Variants in WDR70 observed in about 807,000 individuals in gnomAD.
WDR70 encodes the protein WD repeat-containing protein 70.
A neutral mutation model predicts 88.6 loss-of-function variants in WDR70; 53 were observed. That is an observed-to-expected ratio of 0.60 (90% CI 0.48 to 0.75). The LOEUF (loss-of-function observed/expected upper bound fraction) is 0.75, where lower values mean the gene tolerates loss of function less well. Among genes scored for constraint, WDR70 ranks in the 30% least tolerant of loss-of-function variants. The pLI is 0.00. For synonymous variants in WDR70, 280 were observed against 270.0 expected (o/e 1.04, Z -0.36); for missense variants, 610 against 823.2 (o/e 0.74, Z 3.17).
intron 7 of WDR70, among the ~76,000 whole-genome samples, chr5:37,477,526 A>G (rs200440833): frequency 6.6e-6 from 1 of 152,196 alleles, no homozygotes; most frequent in East Asian, 1.9e-4. Context: ...CAGTTAGGTC[A>G]AGTTAAGAGT....
chr5:37,424,459 C>T (rs1426695784), intron 5 of WDR70, among the ~76,000 whole-genome samples: 1 of 150,358 alleles, frequency 6.7e-6, no homozygotes, highest in African/African-American at 2.4e-5. Context: ...GGCTGGAGTA[C>T]AGTGGCGTGA....
intron 10 of WDR70, among the ~76,000 whole-genome samples, chr5:37,644,695 C>T (rs981760578): frequency 4.0e-5 from 6 of 151,854 alleles, no homozygotes; most frequent in Non-Finnish European, 8.8e-5. Flanking sequence ...CTTCTTGGTA[C>T]AGTCTTGGTA....
chr5:37,642,164 A>G (rs1220140591), intron 10 of WDR70, among the ~76,000 whole-genome samples: 1 of 152,112 alleles, frequency 6.6e-6, no homozygotes, highest in Non-Finnish European at 1.5e-5. Context: ...TTCATTTCAC[A>G]TTTTAGTTCT....
chr5:37,579,532 C>T (rs371551384), intron 9 of WDR70, among the ~76,000 whole-genome samples: 5 of 144,724 alleles, frequency 3.5e-5, no homozygotes, highest in Non-Finnish European at 4.5e-5. Flanking sequence ...TGCAGTGAGC[C>T]GAGATTGCAT....
Position 37,530,642 on chromosome 5 carries a change from T to C in WDR70, c.917+14052T>C, listed in dbSNP as rs1326999952. Among the ~76,000 whole-genome samples the C allele has an allele frequency of 2.8e-5, 4 of 143,942 alleles. No individual in the cohort carries two copies. The East Asian group carries it at 7.7e-4, about 28-fold the overall frequency. 94.4% of individuals were successfully genotyped at this position (143,942 alleles called of 152,430 possible). A position where few individuals can be genotyped will look rare whatever the true frequency, so the allele number is the denominator to read the frequency against. ...ATCTTTTGTATTTTTGTGGTGTCAG[T>C]AGTAATATCTCCCATTTTTTTTCTA... On this transcript the variant is annotated intron_variant, in intron 9 of 17. Transcript: ENST00000265107.
chr5:37,515,762 C>G (rs1740868722), intron 8 of WDR70, among the ~76,000 whole-genome samples: 1 of 152,174 alleles, frequency 6.6e-6, no homozygotes, highest in African/African-American at 2.4e-5. Flanking sequence ...AAAGACCAGG[C>G]TCTTTTCTAT....
At chr5:37,501,396 T>A (rs1740401439) in intron 8 of WDR70, among the ~76,000 whole-genome samples, 1 of 152,218 alleles carries the variant, frequency 6.6e-6, no homozygotes, top group South Asian at 2.1e-4. Flanking sequence ...GATTTACCTC[T>A]TTAATACAGG....
intron 9 of WDR70, among the ~76,000 whole-genome samples, chr5:37,596,952 G>T (rs1743719401): frequency 6.6e-6 from 1 of 152,088 alleles, no homozygotes; most frequent in African/African-American, 2.4e-5. Flanking sequence ...AATATAACTG[G>T]AATTATATCG....
chr5:37,741,065 C>T (rs1322710825), intron 17 of WDR70, among the ~76,000 whole-genome samples: 1 of 152,050 alleles, frequency 6.6e-6, no homozygotes, highest in Non-Finnish European at 1.5e-5. Context: ...TATTTGTCTG[C>T]AGAGTCCTGG....
intron 17 of WDR70, among the ~76,000 whole-genome samples, chr5:37,731,240 A>G (rs1195438295): frequency 2.0e-5 from 3 of 152,170 alleles, no homozygotes; most frequent in Non-Finnish European, 2.9e-5. Flanking sequence ...GAGTGAAAGC[A>G]CATTGCCCAG....
intron 10 of WDR70, among the ~76,000 whole-genome samples, chr5:37,646,071 G>T (rs1581461997): frequency 6.6e-6 from 1 of 151,822 alleles, no homozygotes; most frequent in Non-Finnish European, 1.5e-5. Context: ...TTTTAGTGAA[G>T]GTGATTTTCT....
At chr5:37,483,577 G>A (rs552552969) in intron 8 of WDR70, among the ~76,000 whole-genome samples, 150 of 151,972 alleles carry the variant, frequency 9.9e-4, no homozygotes, top group Middle Eastern at 6.8e-3. Context: ...CCACAAAACC[G>A]CCATCGTCAT....
intron 17 of WDR70, among the ~76,000 whole-genome samples, chr5:37,735,794 A>G (rs762212031): frequency 2.0e-5 from 3 of 152,166 alleles, no homozygotes; most frequent in Admixed American, 6.6e-5. Context: ...CTTCACTGCA[A>G]TTGACTTCTG....
intron 9 of WDR70, among the ~76,000 whole-genome samples, chr5:37,555,292 C>G (rs867434157): frequency 6.6e-6 from 1 of 152,196 alleles, no homozygotes; most frequent in Non-Finnish European, 1.5e-5. Flanking sequence ...GATTTATAAG[C>G]ATTAAATGAA....
chr5:37,726,530 A>G lies in WDR70; in HGVS notation c.1715-353A>G, dbSNP rs548829005. 3.3e-5 allele frequency among the ~76,000 whole-genome samples: 5 copies of G among 152,318 alleles called. No individual in the cohort carries two copies. In the South Asian group the frequency reaches 8.3e-4, roughly 25 times the overall value. On this transcript the variant is annotated intron_variant, in intron 16 of 17. Coordinates refer to ENST00000265107, the MANE Select transcript of WDR70 (RefSeq NM_018034.4). ...CAAGCCCTAAGATATGTTTATTTAA[A>G]TAGCATCTAATGAATATTGTTTATT...
chr5:37,564,990 C>T (rs964243920), intron 9 of WDR70, among the ~76,000 whole-genome samples: 2 of 152,078 alleles, frequency 1.3e-5, no homozygotes, highest in African/African-American at 2.4e-5. Context: ...TAGTTACTTA[C>T]GTAGCTAAGA....
chr5:37,669,718 C>T (rs534978613), intron 10 of WDR70, among the ~76,000 whole-genome samples: 2 of 151,804 alleles, frequency 1.3e-5, no homozygotes, highest in Non-Finnish European at 2.9e-5. Flanking sequence ...GAGAGTCAGA[C>T]CATGATGTAG....
At chr5:37,478,348 G>C (rs1357394429) in intron 7 of WDR70, among the ~76,000 whole-genome samples, 2 of 152,202 alleles carry the variant, frequency 1.3e-5, no homozygotes, top group Non-Finnish European at 2.9e-5. Flanking sequence ...GCATGTTAGG[G>C]ACTGTGTGCC....
At position 37,516,663 on chromosome 5, in the gene WDR70, A is replaced by G. The variant is rs1450210722; in HGVS notation, c.917+73A>G. The G allele has an allele frequency of 6.4e-6, 6 of 941,098 alleles. No homozygotes were observed. In the East Asian group the frequency reaches 8.2e-5, roughly 13 times the overall value. 58.3% of individuals were successfully genotyped at this position (941,098 alleles called of 1,614,324 possible). A position where few individuals can be genotyped will look rare whatever the true frequency, so the allele number is the denominator to read the frequency against. The stretch of plus-strand genomic sequence containing the variant: ...TTTATTTAACGTTTGGATTGTTACA[A>G]TCTTGGCAGTAATGTAGTAAGTGGA... On this transcript the variant is annotated intron_variant, in intron 9 of 17. Transcript: ENST00000265107.
Sources: allele counts gnomAD v4.1 joint callset (sites outside exome capture counted in the v4.1 genomes callset), GRCh38; gene constraint gnomAD v4.1.1; transcripts MANE v1.5; gene names NCBI Gene and HGNC (gene_info 2026-07-23, HGNC 2026-07-21).